Variants in THSD4 observed in about 807,000 individuals in gnomAD.
The protein encoded by THSD4 is thrombospondin type 1 domain containing 4, also known as thrombospondin type-1 domain-containing protein 4.
Under a neutral mutation model 119.0 loss-of-function variants are expected in THSD4, and 69 were observed. The ratio of observed to expected loss-of-function variants is 0.58; its 90% confidence interval spans 0.48 to 0.71. The LOEUF is 0.71. Among genes scored for constraint, THSD4 ranks in the 30% least tolerant of loss-of-function variants. The pLI is 0.00. For synonymous variants in THSD4, 524 were observed against 540.4 expected, an observed-to-expected ratio of 0.97 and a Z score of 0.42; for missense variants, 1,393 against 1,391.1, an observed-to-expected ratio of 1.00 and a Z score of -0.02.
intron 7 of THSD4, among the ~76,000 whole-genome samples, chr15:71,518,952 T>C (rs1468704064): frequency 6.6e-6 from 1 of 152,226 alleles, no homozygotes; most frequent in African/African-American, 2.4e-5. Flanking sequence ...AACAGGAAGT[T>C]AAAAAATAAT....
At chr15:71,699,357 C>T (rs1448605745) in intron 8 of THSD4, among the ~76,000 whole-genome samples, 1 of 64,722 alleles carries the variant, frequency 1.5e-5, no homozygotes, top group Non-Finnish European at 2.7e-5. Flanking sequence ...GGACTACAGG[C>T]GCCCGCCACT....
At chr15:71,247,914 A>G (rs1277739453) in intron 5 of THSD4, among the ~76,000 whole-genome samples, 5 of 152,114 alleles carry the variant, frequency 3.3e-5, no homozygotes, top group African/African-American at 1.2e-4. Flanking sequence ...GAGGAAGGAG[A>G]AATCAAACCT....
intron 6 of THSD4, among the ~76,000 whole-genome samples, chr15:71,357,604 G>T (rs557829716): frequency 6.6e-6 from 1 of 152,118 alleles, no homozygotes; most frequent in Admixed American, 6.5e-5. Context: ...TGGCTCTCCC[G>T]CCTGCAGTTT....
At position 71,242,663 on chromosome 15, in the gene THSD4, G is replaced by T. The variant is rs758608327; in HGVS notation, c.479G>T (p.Gly160Val). The part of the protein sequence containing the change: ...VTGDRRSRTR[G>V]TIGPGKYGYG... ...TCTCTCTTTAGGAGCAGGACCCGTGGTACCATTGGCCCTGGCAAGTATGGC... is the reference window on the plus strand; with the variant it reads ...TCTCTCTTTAGGAGCAGGACCCGTGTTACCATTGGCCCTGGCAAGTATGGC... The change falls in exon 5 of 18, where the codon GGT (glycine) becomes GTT (valine). Residue 160 changes from glycine to valine, a missense_variant. Transcript: ENST00000261862. 2.5e-6 allele frequency: 4 copies of T among 1,613,672 alleles called. No individual in the cohort carries two copies. The African/African-American group carries it at 5.3e-5, about 22-fold the overall frequency.
At chr15:71,633,737 C>G (rs2050683368) in intron 7 of THSD4, among the ~76,000 whole-genome samples, 1 of 152,314 alleles carries the variant, frequency 6.6e-6, no homozygotes, top group South Asian at 2.1e-4. Context: ...CTCTGCTAGA[C>G]TGGCAGTTAA....
intron 7 of THSD4, among the ~76,000 whole-genome samples, chr15:71,566,687 G>A (rs975241571): frequency 4.6e-5 from 7 of 152,052 alleles, no homozygotes; most frequent in Admixed American, 2.6e-4. Context: ...TTCAAAGGCC[G>A]GGTCATTTTC....
intron 7 of THSD4, among the ~76,000 whole-genome samples, chr15:71,533,244 G>A (rs917159768): frequency 3.9e-5 from 6 of 152,184 alleles, no homozygotes; most frequent in Admixed American, 3.9e-4. Flanking sequence ...GGGAACACTA[G>A]GAAATATAGA....
At chr15:71,191,810 C>T (rs1433553021) in intron 3 of THSD4, among the ~76,000 whole-genome samples, 1 of 152,110 alleles carries the variant, frequency 6.6e-6, no homozygotes, top group African/African-American at 2.4e-5. Context: ...TCTCTTCATT[C>T]TTTTCCTCCT....
chr15:71,577,073 A>G (rs956445373), intron 7 of THSD4, among the ~76,000 whole-genome samples: 2 of 143,202 alleles, frequency 1.4e-5, no homozygotes, highest in African/African-American at 5.1e-5. Flanking sequence ...TCCAGAGTAT[A>G]TTACATGATT....
intron 2 of THSD4, among the ~76,000 whole-genome samples, chr15:71,149,101 C>T (rs1211881028): frequency 6.7e-6 from 1 of 148,320 alleles, no homozygotes; most frequent in South Asian, 2.2e-4. Flanking sequence ...TGCAGTGGTG[C>T]GATCTCAGCT....
At chr15:71,686,025 C>T (rs1404818346) in intron 8 of THSD4, among the ~76,000 whole-genome samples, 1 of 152,072 alleles carries the variant, frequency 6.6e-6, no homozygotes, top group Non-Finnish European at 1.5e-5. Context: ...GCAGAGTTCC[C>T]ATGTACTCTT....
chr15:71,277,554 A>G (rs2044607022), intron 6 of THSD4, among the ~76,000 whole-genome samples: 1 of 152,182 alleles, frequency 6.6e-6, no homozygotes, highest in Non-Finnish European at 1.5e-5. Context: ...CTTCACCATC[A>G]GTTAACTGTT....
At chr15:71,741,759 G>A (rs2053240945) in intron 11 of THSD4, among the ~76,000 whole-genome samples, 1 of 151,636 alleles carries the variant, frequency 6.6e-6, no homozygotes, top group African/African-American at 2.4e-5. Context: ...TGTCTGAGGC[G>A]ACATGTCTAG....
chr15:71,129,487 A>G (rs1002799553), intron 1 of THSD4, among the ~76,000 whole-genome samples: 7 of 152,212 alleles, frequency 4.6e-5, no homozygotes, highest in African/African-American at 1.7e-4. Flanking sequence ...GGGGATAGTG[A>G]CAGCCTATTC....
At chr15:71,326,118 T>C (rs549611771) in intron 6 of THSD4, among the ~76,000 whole-genome samples, 1 of 152,338 alleles carries the variant, frequency 6.6e-6, no homozygotes, top group South Asian at 2.1e-4. Context: ...GTAGATGGCG[T>C]GAGAGAAAGA....
At chr15:71,236,074 G>A (rs1301708651) in intron 4 of THSD4, among the ~76,000 whole-genome samples, 1 of 152,176 alleles carries the variant, frequency 6.6e-6, no homozygotes. Flanking sequence ...CGGGGCTGCT[G>A]CTCTGTGGGA....
intron 15 of THSD4, 130 bp downstream of exon 15, chr15:71,758,205 C>A: frequency 8.7e-7 from 1 of 1,151,716 alleles, no homozygotes; most frequent in Non-Finnish European, 1.2e-6. Flanking sequence ...CTATCTGTGA[C>A]CCTGGAGAAG....
chr15:71,506,705 C>T (rs899177462), intron 7 of THSD4, among the ~76,000 whole-genome samples: 11 of 151,318 alleles, frequency 7.3e-5, no homozygotes, highest in Admixed American at 1.3e-4. Context: ...CCACCACTTA[C>T]GGCGGCCTGA....
At position 71,174,448 on chromosome 15, in the gene THSD4, C is replaced by T. The variant is rs1482763495; in HGVS notation, c.99+19516C>T. On this transcript the variant is annotated intron_variant, in intron 3 of 17. Transcript: ENST00000261862. Reference sequence around the variant, plus strand: ...TCAGACCGGCTTAAGAAACGGCGCACCACGAGACTATATCCCACACCTGGC... The same window carrying T: ...TCAGACCGGCTTAAGAAACGGCGCATCACGAGACTATATCCCACACCTGGC... Among the ~76,000 whole-genome samples, 3 of 143,774 alleles carry T rather than the reference C, an allele frequency of 2.1e-5. No homozygotes were observed. The South Asian group carries it at 7.3e-4, about 35-fold the overall frequency. The allele number at this position is 143,774 out of a possible 152,430, so 94.3% of individuals were successfully genotyped here.
Sources: gnomAD v4.1 joint callset for allele counts (sites outside exome capture counted in the v4.1 genomes callset) on GRCh38, gnomAD v4.1.1 for gene constraint, MANE v1.5 for transcripts, NCBI Gene and HGNC (gene_info 2026-07-23, HGNC 2026-07-21) for gene names.